Variants in CDH13 observed in about 807,000 individuals in gnomAD.
CDH13 encodes cadherin 13, also known as cadherin-13.
A neutral mutation model predicts 63.8 loss-of-function variants in CDH13; 24 were observed. That is an observed-to-expected ratio of 0.38 (90% CI 0.27 to 0.53). The LOEUF is 0.53. CDH13 is among the 20% of genes least tolerant of loss of function. The pLI, the probability that CDH13 is intolerant of heterozygous loss-of-function variation, is 0.85. For synonymous variants in CDH13, 503 were observed against 355.3 expected (o/e 1.42, Z -4.67); for missense variants, 1,049 against 903.1 (o/e 1.16, Z -2.07).
intron 2 of CDH13, chr16:82,884,239 G>A (rs1351955312): frequency 2.2e-6 from 1 of 455,152 alleles, no homozygotes; most frequent in Non-Finnish European, 4.4e-6. Context: ...TAAAAGCCTG[G>A]GCTCCCATGA....
chr16:83,094,237 A>G (rs551427093), intron 3 of CDH13, among the ~76,000 whole-genome samples: 174 of 152,302 alleles, frequency 1.1e-3, no homozygotes, highest in Middle Eastern at 3.4e-3. Context: ...ATATCTGAGC[A>G]CTTGTGACCC....
intron 1 of CDH13, among the ~76,000 whole-genome samples, chr16:82,797,090 C>G (rs1390476660): frequency 1.3e-5 from 2 of 152,176 alleles, no homozygotes; most frequent in East Asian, 3.8e-4. Flanking sequence ...TAAAATTTGA[C>G]CTCAAAGCTG....
At chr16:83,184,089 A>AACACACACACACAC (rs10656475) in intron 4 of CDH13, among the ~76,000 whole-genome samples, 6 of 131,618 alleles carry the variant, frequency 4.6e-5, no homozygotes, top group East Asian at 2.4e-4. Context: ...CTAGAGGTTA[A>AACACACACACACAC]ACACACACAC....
chr16:82,701,080 T>TC (rs2030969944), intron 1 of CDH13, among the ~76,000 whole-genome samples: 1 of 151,430 alleles, frequency 6.6e-6, no homozygotes, highest in Non-Finnish European at 1.5e-5. Context: ...CCTGTTTTTT[T>TC]CTCTCATTGC....
At chr16:83,038,003 A>G (rs1466423512) in intron 3 of CDH13, among the ~76,000 whole-genome samples, 1 of 152,176 alleles carries the variant, frequency 6.6e-6, no homozygotes, top group Admixed American at 6.6e-5. Flanking sequence ...CTGAGACAGA[A>G]GCCAGAGATG....
At chr16:82,956,673 C>G (rs1050880763) in intron 2 of CDH13, among the ~76,000 whole-genome samples, 1 of 152,222 alleles carries the variant, frequency 6.6e-6, no homozygotes, top group Non-Finnish European at 1.5e-5. Context: ...TACCCACTCC[C>G]TTAGCAGATG....
chr16:83,799,773 CA>C lies in CDH13; in HGVS notation c.*4745del, dbSNP rs2151027367. On this transcript the variant is annotated 3_prime_UTR_variant, in exon 14 of 14. Coordinates refer to ENST00000567109, the MANE Select transcript of CDH13 (RefSeq NM_001257.5). ...CAATTAACAATTCTTTTACTATATG[CA>C]ATGTGTTACCCTTACTATATTTCCT... The C allele has an allele frequency of 1.3e-5, 2 of 152,254 alleles. No homozygotes were observed. Among genetic ancestry groups the C allele is most frequent in the Non-Finnish European group, 2.9e-5 (2 of 68,018 alleles). 9.4% of individuals were successfully genotyped at this position (152,254 alleles called of 1,614,324 possible). A position where few individuals can be genotyped will look rare whatever the true frequency, so the allele number is the denominator to read the frequency against.
intron 1 of CDH13, among the ~76,000 whole-genome samples, chr16:82,689,660 A>G (rs1915439263): frequency 6.6e-6 from 1 of 152,090 alleles, no homozygotes; most frequent in Non-Finnish European, 1.5e-5. Context: ...AGGATCATGG[A>G]TGTGCATAGC....
chr16:83,280,447 C>T (rs539229077), intron 5 of CDH13, among the ~76,000 whole-genome samples: 1 of 152,194 alleles, frequency 6.6e-6, no homozygotes, highest in Non-Finnish European at 1.5e-5. Context: ...TTCTAGCTCT[C>T]GTACTGTTTC....
chr16:83,740,890 T>A (rs1251955361), intron 10 of CDH13, among the ~76,000 whole-genome samples: 1 of 152,220 alleles, frequency 6.6e-6, no homozygotes, highest in Non-Finnish European at 1.5e-5. Context: ...GGAAATTTGC[T>A]AATTTCAAGG....
intron 2 of CDH13, among the ~76,000 whole-genome samples, chr16:82,950,264 C>G (rs1347130476): frequency 6.6e-6 from 1 of 152,138 alleles, no homozygotes; most frequent in East Asian, 1.9e-4. Flanking sequence ...TCATCCCAAT[C>G]TCAACCTTCC....
intron 6 of CDH13, among the ~76,000 whole-genome samples, chr16:83,380,279 G>T (rs2091538968): frequency 6.6e-6 from 1 of 152,098 alleles, no homozygotes; most frequent in African/African-American, 2.4e-5. Flanking sequence ...ATTCCAGATG[G>T]TGGGTGTGCT....
At chr16:82,730,539 A>G (rs765258452) in intron 1 of CDH13, among the ~76,000 whole-genome samples, 16 of 152,228 alleles carry the variant, frequency 1.1e-4, no homozygotes, top group Admixed American at 3.9e-4. Flanking sequence ...CAATAGTAAC[A>G]TCAAAGATCA....
At chr16:83,485,496 A>G (rs1334127668) in intron 6 of CDH13, among the ~76,000 whole-genome samples, 2 of 152,166 alleles carry the variant, frequency 1.3e-5, no homozygotes, top group African/African-American at 2.4e-5. Flanking sequence ...CTCATTTTAT[A>G]TTGGAAGTCC....
intron 6 of CDH13, among the ~76,000 whole-genome samples, chr16:83,369,236 C>G (rs567992971): frequency 6.6e-5 from 10 of 151,802 alleles, no homozygotes; most frequent in African/African-American, 2.2e-4. Flanking sequence ...AAAGGGAACA[C>G]TTTTTACACT....
intron 2 of CDH13, among the ~76,000 whole-genome samples, chr16:82,874,305 G>A (rs761335913): frequency 3.0e-4 from 45 of 152,108 alleles, no homozygotes; most frequent in Non-Finnish European, 6.0e-4. Flanking sequence ...GTGAAAAGTT[G>A]CAAACCTTAG....
chr16:83,506,136 C>A (rs1476375314), intron 7 of CDH13, among the ~76,000 whole-genome samples: 1 of 152,104 alleles, frequency 6.6e-6, no homozygotes, highest in Non-Finnish European at 1.5e-5. Flanking sequence ...CAAGGGAGAC[C>A]ATCAGGCCAT....
intron 4 of CDH13, among the ~76,000 whole-genome samples, chr16:83,140,786 CAT>C (rs1330037783): frequency 1.3e-5 from 2 of 152,182 alleles, no homozygotes; most frequent in Admixed American, 1.3e-4. Context: ...TAGAGCATGA[CAT>C]AAAATGACTG....
intron 2 of CDH13, among the ~76,000 whole-genome samples, chr16:82,962,779 G>T (rs887538290): frequency 6.6e-6 from 1 of 152,148 alleles, no homozygotes; most frequent in Non-Finnish European, 1.5e-5. Context: ...TCAGTATCTT[G>T]TAACAGTAAT....
Sources: allele counts gnomAD v4.1 joint callset (sites outside exome capture counted in the v4.1 genomes callset), GRCh38; gene constraint gnomAD v4.1.1; transcripts MANE v1.5; gene names NCBI Gene and HGNC (gene_info 2026-07-23, HGNC 2026-07-21).